TJP2: variants seen among roughly 807,000 people sequenced by gnomAD.
TJP2 encodes Friedreich ataxia region gene X104 (tight junction protein ZO-2).
Under a neutral mutation model 133.1 loss-of-function variants are expected in TJP2, and 91 were observed. The observed-to-expected ratio is 0.68, with a 90% CI of 0.58 to 0.81. The LOEUF (loss-of-function observed/expected upper bound fraction) is 0.81. Ranked by LOEUF, TJP2 falls within the 40% of genes least tolerant of loss-of-function variation. The probability of loss-of-function intolerance (pLI) is 0.00; values close to 1 mark genes in which losing one functional copy is unlikely to be tolerated. For missense variants in TJP2, 1,541 were observed against 1,565.6 expected (o/e 0.98, Z 0.26); for synonymous variants, 592 against 583.4 (o/e 1.01, Z -0.21).
At chr9:69,137,830 A>G (rs1254322154) in intron 1 of TJP2, among the ~76,000 whole-genome samples, 1 of 151,976 alleles carries the variant, frequency 6.6e-6, no homozygotes, top group Non-Finnish European at 1.5e-5. Context: ...TTGACAGGTA[A>G]TATCTCAGCA....
chr9:69,205,051 T>C, intron 1 of TJP2: 1 of 1,452,164 alleles, frequency 6.9e-7, no homozygotes, highest in Non-Finnish European at 9.1e-7. Flanking sequence ...CAGGATTTGC[T>C]GGAAATGTGG....
At chr9:69,204,980 A>G in intron 1 of TJP2, 3 of 1,346,038 alleles carry the variant, frequency 2.2e-6, no homozygotes, top group South Asian at 2.3e-5. Flanking sequence ...GCTCATAAGT[A>G]GTGCTTTTCA....
chr9:69,188,431 G>A lies in TJP2; in HGVS notation c.60+13999G>A, dbSNP rs146212996. Among the ~76,000 whole-genome samples, 537 of 152,266 alleles carry A rather than the reference G, an allele frequency of 3.5e-3. 8 individuals carry two copies. The highest frequency in any genetic ancestry group is 0.017 in the East Asian group (87 of 5,184). On this transcript the variant is annotated intron_variant, in intron 1 of 22. Coordinates refer to ENST00000377245, the MANE Select transcript of TJP2 (RefSeq NM_004817.4). ...GGATTTGAGCCAAGGTCCATTTGAT[G>A]AATTTGAAACCTGTAGATTCTGTCA...
chr9:69,173,028 C>T (rs964127830), upstream of TJP2, among the ~76,000 whole-genome samples: 3 of 152,166 alleles, frequency 2.0e-5, no homozygotes, highest in African/African-American at 7.2e-5. Context: ...TTAGTTACTC[C>T]AAAGGAGTCC....
chr9:69,137,825 A>G (rs1822843913), intron 1 of TJP2, among the ~76,000 whole-genome samples: 1 of 152,050 alleles, frequency 6.6e-6, no homozygotes, highest in African/African-American at 2.4e-5. Context: ...CTACTTTGAC[A>G]GGTAATATCT....
intron 1 of TJP2, among the ~76,000 whole-genome samples, chr9:69,184,501 A>T (rs539351180): frequency 1.3e-5 from 2 of 152,236 alleles, no homozygotes; most frequent in South Asian, 4.1e-4. Context: ...AAGAAAAACA[A>T]ATGGCTTCTG....
chr9:69,219,411 A>G (rs1828638732), intron 4 of TJP2, among the ~76,000 whole-genome samples: 1 of 152,198 alleles, frequency 6.6e-6, no homozygotes, highest in South Asian at 2.1e-4. Context: ...GTATGTATAT[A>G]AACACTCATG....
intron 1 of TJP2, among the ~76,000 whole-genome samples, chr9:69,137,241 CT>C (rs1822780060): frequency 1.6e-4 from 4 of 25,754 alleles, no homozygotes; most frequent in South Asian, 3.2e-3. Flanking sequence ...TTCTTTCTTT[CT>C]CTCTCTCTTT....
At chr9:69,184,752 C>CTTT (rs564424748) in intron 1 of TJP2, among the ~76,000 whole-genome samples, 18 of 125,850 alleles carry the variant, frequency 1.4e-4, no homozygotes, top group South Asian at 5.2e-4. Context: ...TCTCTCTCTT[C>CTTT]TTTTTTTTTT....
chr9:69,204,794 T>C (rs1369697822), intron 1 of TJP2: 3 of 1,042,626 alleles, frequency 2.9e-6, no homozygotes, highest in Admixed American at 1.0e-4. Context: ...AAATATTCTT[T>C]TCCATAATGT....
At chr9:69,229,649 C>T (rs368361878) in intron 10 of TJP2, among the ~76,000 whole-genome samples, 3 of 152,144 alleles carry the variant, frequency 2.0e-5, no homozygotes, top group African/African-American at 4.8e-5. Context: ...AGTGCTGCTG[C>T]GCTCTGCACT....
At chr9:69,252,038 C>A (rs7041737) in intron 21 of TJP2, among the ~76,000 whole-genome samples, 128,340 of 152,142 alleles carry the variant, frequency 0.84, 54,730 homozygotes, top group African/African-American at 0.96. Flanking sequence ...TCTGTCACCC[C>A]GGCTGGAGTG....
intron 2 of TJP2, among the ~76,000 whole-genome samples, chr9:69,158,651 GGT>G (rs1442034168): frequency 6.6e-6 from 1 of 152,062 alleles, no homozygotes; most frequent in Non-Finnish European, 1.5e-5. Context: ...GCAGTGGCAT[GGT>G]CATAGCTCAC....
chr9:69,164,196 G>T (rs1379001180), intron 2 of TJP2, among the ~76,000 whole-genome samples: 1 of 152,154 alleles, frequency 6.6e-6, no homozygotes, highest in African/African-American at 2.4e-5. Flanking sequence ...TTGCTTGCAG[G>T]TTTTTTCTAA....
intron 1 of TJP2, among the ~76,000 whole-genome samples, chr9:69,144,471 C>T (rs2133305727): frequency 6.6e-6 from 1 of 152,164 alleles, no homozygotes; most frequent in East Asian, 1.9e-4. Flanking sequence ...AGCAGCATGA[C>T]TCTTGTATGT....
At chr9:69,246,330 T>C in intron 17 of TJP2, 1 of 357,150 alleles carries the variant, frequency 2.8e-6, no homozygotes, top group Middle Eastern at 1.0e-3. Context: ...GTATACTAAT[T>C]AGTGTATACA....
chr9:69,134,237 A>G (rs958277872), intron 1 of TJP2, among the ~76,000 whole-genome samples: 3 of 152,194 alleles, frequency 2.0e-5, no homozygotes, highest in Non-Finnish European at 2.9e-5. Flanking sequence ...GGAACACCCA[A>G]CGTGAAATGG....
rs373944275 is a variant in TJP2 at position 69,221,143 on chromosome 9, G to T, written c.599G>T (p.Ser200Ile). The T allele has an allele frequency of 5.6e-6, 9 of 1,593,042 alleles. No individual in the cohort carries two copies. Among genetic ancestry groups the T allele is most frequent in the East Asian group, 4.6e-5 (2 of 43,732 alleles). Residue 200 changes from serine to isoleucine, a missense_variant, in exon 5 of 23, where the codon AGC becomes ATC. Transcript: ENST00000377245. ...AGCCGGGACCGGAGCCGTGGCCGGAGCCTGGAGCGGGGCCTGGACCAAGAC... is the reference window on the plus strand; with the variant it reads ...AGCCGGGACCGGAGCCGTGGCCGGATCCTGGAGCGGGGCCTGGACCAAGAC... ...DLSRDRSRGR[S>I]LERGLDQDHA... is the part of the protein sequence containing the mutation.
At chr9:69,146,950 T>C (rs1823238851) in intron 1 of TJP2, among the ~76,000 whole-genome samples, 1 of 152,220 alleles carries the variant, frequency 6.6e-6, no homozygotes. Context: ...TAAATATTTC[T>C]TTGGGAAATC....
Sources: allele counts gnomAD v4.1 joint callset (sites outside exome capture counted in the v4.1 genomes callset), GRCh38; gene constraint gnomAD v4.1.1; transcripts MANE v1.5; gene names NCBI Gene and HGNC (gene_info 2026-07-23, HGNC 2026-07-21).